The following WDTC1 variants were observed in gnomAD, a reference collection of about 807,000 sequenced individuals.
WDTC1 encodes the protein WD and tetratricopeptide repeats protein 1.
A neutral mutation model predicts 76.0 loss-of-function variants in WDTC1; 12 were observed. That is an observed-to-expected ratio of 0.16 (90% CI 0.10 to 0.26). The LOEUF (loss-of-function observed/expected upper bound fraction) is 0.26, where lower values mean the gene tolerates loss of function less well. Ranked by LOEUF, WDTC1 falls within the 10% of genes least tolerant of loss-of-function variation. WDTC1 has a pLI of 1.00. For missense variants in WDTC1, 511 were observed against 908.8 expected (o/e 0.56, Z 5.63); for synonymous variants, 326 against 350.8 (o/e 0.93, Z 0.79).
chr1:27,243,621 C>G (rs2011705811), intron 1 of WDTC1, among the ~76,000 whole-genome samples: 2 of 152,240 alleles, frequency 1.3e-5, no homozygotes, highest in South Asian at 4.1e-4. Flanking sequence ...TTCTGTGCCT[C>G]AGATCCTGCA....
At chr1:27,283,307 G>A (rs2013242278) in intron 4 of WDTC1, 31 bp from the exon 5 acceptor site, 2 of 1,599,214 alleles carry the variant, frequency 1.3e-6, no homozygotes, top group Non-Finnish European at 1.7e-6. Flanking sequence ...GGAATTTGAG[G>A]AGAGATCACA....
chr1:27,249,266 C>CAAA (rs71010343), intron 1 of WDTC1, among the ~76,000 whole-genome samples: 3 of 140,240 alleles, frequency 2.1e-5, no homozygotes, highest in Non-Finnish European at 3.1e-5. Flanking sequence ...GAGACTGTCT[C>CAAA]AAAAAAAAAA....
intron 3 of WDTC1, among the ~76,000 whole-genome samples, chr1:27,268,927 C>A (rs567471895): frequency 4.0e-5 from 6 of 149,126 alleles, no homozygotes; most frequent in African/African-American, 1.5e-4. Flanking sequence ...GTTGGCCAGG[C>A]TGGTCTTGAA....
At position 27,294,121 on chromosome 1, in the gene WDTC1, C is replaced by T. The variant is rs747765122; in HGVS notation, c.757+5C>T. ...CAGCCCAGTATTACGTAGCAGGTAG[C>T]GCTCAGCACAGCTCTGGCCCCAAAC... On this transcript the variant is annotated splice_donor_5th_base_variant and intron_variant, in intron 8 of 15. Coordinates refer to ENST00000319394, the MANE Select transcript of WDTC1 (RefSeq NM_001276252.2). The T allele has an allele frequency of 7.4e-6, 12 of 1,613,518 alleles. No homozygotes were observed. Among genetic ancestry groups the T allele is most frequent in the Non-Finnish European group, 9.3e-6 (11 of 1,179,774 alleles).
rs2013839349 is a variant in WDTC1, at chr1:27,301,896, A to C, written c.1468+435A>C. ...AGAGACAATAGCGCAGAGCAGTAGAAATGCCTCAGGCTTGGAATGTGGGGC... is the reference window on the plus strand; with the variant it reads ...AGAGACAATAGCGCAGAGCAGTAGACATGCCTCAGGCTTGGAATGTGGGGC... On this transcript the variant is annotated intron_variant, in intron 13 of 15. Transcript: ENST00000319394. This position sits in a 1 kb window ranked among gnomAD's most constrained non-coding sequence, Gnocchi z 5.8. 6.6e-6 allele frequency among the ~76,000 whole-genome samples: 1 copy of C among 152,158 alleles called. No homozygotes were observed. The highest frequency in any genetic ancestry group is 1.5e-5 in the Non-Finnish European group (1 of 68,030).
At chr1:27,245,994 G>A (rs992249660) in intron 1 of WDTC1, among the ~76,000 whole-genome samples, 2 of 152,154 alleles carry the variant, frequency 1.3e-5, no homozygotes, top group African/African-American at 4.8e-5. Flanking sequence ...ATCGGAAGGG[G>A]TTTTGTAGCT....
intron 6 of WDTC1, among the ~76,000 whole-genome samples, chr1:27,291,936 C>T (rs902842465): frequency 6.6e-6 from 1 of 152,094 alleles, no homozygotes; most frequent in Non-Finnish European, 1.5e-5. Context: ...TGTTGGTAAT[C>T]AGTAGTAGTA....
chr1:27,258,320 G>A (rs1212274804), intron 1 of WDTC1, among the ~76,000 whole-genome samples: 1 of 151,530 alleles, frequency 6.6e-6, no homozygotes, highest in Non-Finnish European at 1.5e-5. Context: ...ATCACCTGAG[G>A]TCGGGAGTTC....
rs370985817 is a variant in WDTC1 at position 27,268,480 on chromosome 1, G to A, written c.132+5245G>A. 1.7e-3 allele frequency among the ~76,000 whole-genome samples: 252 copies of A among 151,834 alleles called. 2 individuals are homozygous for A. Among genetic ancestry groups the A allele is most frequent in the African/African-American group, 5.9e-3 (244 of 41,404 alleles). On this transcript the variant is annotated intron_variant, in intron 3 of 15. Transcript: ENST00000319394. Reference sequence around the variant, plus strand: ...GTCACCCAGGCTGGAGTGCAGTGGCGTGATCTTGGCTCACTGCAACCTCCG... The same window carrying A: ...GTCACCCAGGCTGGAGTGCAGTGGCATGATCTTGGCTCACTGCAACCTCCG...
intron 13 of WDTC1, among the ~76,000 whole-genome samples, chr1:27,302,786 C>T (rs2013864951): frequency 1.3e-5 from 2 of 152,138 alleles, no homozygotes; most frequent in Admixed American, 6.5e-5. Context: ...TGCAGAGCTC[C>T]TGGCATATGA....
chr1:27,278,123 G>A (rs893969650), intron 3 of WDTC1, among the ~76,000 whole-genome samples: 3 of 152,088 alleles, frequency 2.0e-5, no homozygotes, highest in South Asian at 2.1e-4. Flanking sequence ...GATTACAGGC[G>A]TGAGCCACCA....
intron 1 of WDTC1, among the ~76,000 whole-genome samples, chr1:27,241,141 T>G: frequency 6.6e-6 from 1 of 152,122 alleles, no homozygotes; most frequent in Non-Finnish European, 1.5e-5. Flanking sequence ...TATTATCTTC[T>G]TTTAGGATAC....
At chr1:27,245,565 T>C (rs2011800086) in intron 1 of WDTC1, among the ~76,000 whole-genome samples, 2 of 151,460 alleles carry the variant, frequency 1.3e-5, no homozygotes, top group South Asian at 4.1e-4. Flanking sequence ...TTTGGTTTTT[T>C]TTTTTTGTTT....
chr1:27,276,391 T>A (rs1434396962), intron 3 of WDTC1, among the ~76,000 whole-genome samples: 1 of 152,132 alleles, frequency 6.6e-6, no homozygotes, highest in African/African-American at 2.4e-5. Flanking sequence ...CAACACTTCT[T>A]ATTATCAATA....
Position 27,302,240 on chromosome 1 carries a change from A to G in WDTC1, c.1468+779A>G, listed in dbSNP as rs568746114. On this transcript the variant is annotated intron_variant, in intron 13 of 15. Transcript: ENST00000319394. ...TAGAGCTGTGACTAAGTCACGTGGA[A>G]TTTCTGTGTTTATGGCATTTACAGT... Among the ~76,000 whole-genome samples, 7 of 152,138 alleles carry G rather than the reference A, an allele frequency of 4.6e-5. No individual in the cohort carries two copies. In the South Asian group the frequency reaches 1.4e-3, roughly 32 times the overall value.
intron 3 of WDTC1, among the ~76,000 whole-genome samples, chr1:27,272,914 A>T (rs1318499385): frequency 6.7e-6 from 1 of 149,004 alleles, no homozygotes; most frequent in African/African-American, 2.6e-5. Flanking sequence ...CTAAAAAAAT[A>T]AAAATAAACT....
chr1:27,255,143 T>C (rs1331994137), intron 1 of WDTC1, among the ~76,000 whole-genome samples: 1 of 152,148 alleles, frequency 6.6e-6, no homozygotes, highest in Non-Finnish European at 1.5e-5. Context: ...ATGTGTTTCA[T>C]CTCATTATTC....
At chr1:27,297,465 T>G (rs1233905831) in intron 11 of WDTC1, among the ~76,000 whole-genome samples, 2 of 152,198 alleles carry the variant, frequency 1.3e-5, no homozygotes, top group Non-Finnish European at 2.9e-5. Context: ...CAAATGGGCC[T>G]CCGCATTATA....
intron 1 of WDTC1, among the ~76,000 whole-genome samples, chr1:27,250,006 T>C (rs868557535): frequency 6.6e-6 from 1 of 152,144 alleles, no homozygotes; most frequent in Admixed American, 6.6e-5. Context: ...GCCCCTGCCA[T>C]CCTACAATGA....
Sources: allele counts gnomAD v4.1 joint callset (sites outside exome capture counted in the v4.1 genomes callset), GRCh38; gene constraint gnomAD v4.1.1; non-coding constraint Gnocchi (gnomAD v3.1); transcripts MANE v1.5; gene names NCBI Gene and HGNC (gene_info 2026-07-23, HGNC 2026-07-21).